Variants in PCCA observed in about 807,000 individuals in gnomAD.
PCCA encodes the protein propionyl-CoA carboxylase subunit alpha.
A neutral mutation model predicts 101.3 loss-of-function variants in PCCA; 74 were observed. That is an observed-to-expected ratio of 0.73 (90% CI 0.61 to 0.89). The LOEUF is 0.89. Ranked by LOEUF, PCCA falls within the 40% of genes least tolerant of loss-of-function variation. PCCA has a pLI of 0.00. For synonymous variants in PCCA, 294 were observed against 313.6 expected, an observed-to-expected ratio of 0.94 and a Z score of 0.66; for missense variants, 891 against 907.0, an observed-to-expected ratio of 0.98 and a Z score of 0.23.
chr13:100,123,064 C>G (rs1356457508), intron 4 of PCCA, among the ~76,000 whole-genome samples: 1 of 152,170 alleles, frequency 6.6e-6, no homozygotes, highest in African/African-American at 2.4e-5. Context: ...CTGAATAACT[C>G]CTTTTCTTTT....
chr13:100,423,301 G>T (rs904065597), intron 19 of PCCA, among the ~76,000 whole-genome samples: 3 of 152,156 alleles, frequency 2.0e-5, no homozygotes, highest in African/African-American at 7.2e-5. Flanking sequence ...GGATTCTTCG[G>T]TTCAGCCAGC....
At chr13:100,368,618 T>G (rs767591618) in intron 19 of PCCA, 44 bp downstream of exon 19, 12 of 1,201,744 alleles carry the variant, frequency 1.0e-5, no homozygotes, top group Non-Finnish European at 1.1e-5. Context: ...TGATGTTATC[T>G]ATGAATATTT....
intron 21 of PCCA, among the ~76,000 whole-genome samples, chr13:100,504,901 C>A (rs1009562232): frequency 1.3e-5 from 2 of 152,052 alleles, no homozygotes; most frequent in African/African-American, 4.8e-5. Flanking sequence ...CCACTGCACT[C>A]CAGCCTGGGT....
At chr13:100,107,087 T>C (rs2047871252) in intron 2 of PCCA, among the ~76,000 whole-genome samples, 1 of 152,214 alleles carries the variant, frequency 6.6e-6, no homozygotes, top group Non-Finnish European at 1.5e-5. Context: ...CAAGTAGACT[T>C]GGTCTTTGGT....
At chr13:100,150,552 G>A in intron 4 of PCCA, 1 of 1,287,862 alleles carries the variant, frequency 7.8e-7, no homozygotes. Flanking sequence ...CCAATAGTGT[G>A]GTGGAACTTA....
intron 21 of PCCA, among the ~76,000 whole-genome samples, chr13:100,512,155 T>C (rs1459659018): frequency 6.6e-6 from 1 of 152,212 alleles, no homozygotes; most frequent in Admixed American, 6.5e-5. Context: ...CGTGTCAGTT[T>C]TAAAAACAAT....
chr13:100,292,859 G>C (rs2065234199), intron 12 of PCCA, among the ~76,000 whole-genome samples: 1 of 151,944 alleles, frequency 6.6e-6, no homozygotes, highest in Non-Finnish European at 1.5e-5. Flanking sequence ...AGCTGATAGA[G>C]AAAAGTATTT....
chr13:100,108,897 A>G (rs764967081), intron 2 of PCCA, among the ~76,000 whole-genome samples: 1 of 152,196 alleles, frequency 6.6e-6, no homozygotes, highest in Non-Finnish European at 1.5e-5. Flanking sequence ...TCTGAATTAT[A>G]TGCATCTATG....
chr13:100,170,925 C>T (rs2055575059), intron 6 of PCCA, among the ~76,000 whole-genome samples: 2 of 152,104 alleles, frequency 1.3e-5, no homozygotes, highest in African/African-American at 4.8e-5. Flanking sequence ...GCATTGGTTC[C>T]CAGTATGTTC....
At chr13:100,266,445 T>C (rs1159780196) in intron 10 of PCCA, among the ~76,000 whole-genome samples, 1 of 152,250 alleles carries the variant, frequency 6.6e-6, no homozygotes, top group African/African-American at 2.4e-5. Flanking sequence ...ATCTCATCTA[T>C]ACTTAGAAGG....
At chr13:100,392,691 G>C (rs1470102253) in intron 19 of PCCA, among the ~76,000 whole-genome samples, 1 of 152,120 alleles carries the variant, frequency 6.6e-6, no homozygotes, top group Non-Finnish European at 1.5e-5. Context: ...AATTTCCTTG[G>C]GGCAGAGGAG....
chr13:100,439,338 T>TA (rs1448113400), intron 20 of PCCA, among the ~76,000 whole-genome samples: 2 of 152,182 alleles, frequency 1.3e-5, no homozygotes, highest in African/African-American at 4.8e-5. Context: ...TTAGAAGATT[T>TA]AAAAAATTAC....
chr13:100,154,426 G>A (rs2053667250), intron 4 of PCCA: 1 of 155,784 alleles, frequency 6.4e-6, no homozygotes, highest in Non-Finnish European at 1.4e-5. Flanking sequence ...GAATGTGAGA[G>A]TATTTAAATG....
intron 1 of PCCA, among the ~76,000 whole-genome samples, chr13:100,098,032 A>G (rs2046932989): frequency 6.6e-6 from 1 of 152,008 alleles, no homozygotes; most frequent in Non-Finnish European, 1.5e-5. Context: ...TCAAAAAAAA[A>G]AAGTACAATG....
At chr13:100,478,290 G>T (rs2083584268) in intron 21 of PCCA, among the ~76,000 whole-genome samples, 1 of 152,150 alleles carries the variant, frequency 6.6e-6, no homozygotes, top group South Asian at 2.1e-4. Context: ...GTGGTCAGTG[G>T]GTCAGACCAG....
chr13:100,257,522 G>T, intron 8 of PCCA, 73 bp from the exon 9 acceptor site: 1 of 999,596 alleles, frequency 1.0e-6, no homozygotes, highest in Non-Finnish European at 1.6e-6. Context: ...TATTGAACAT[G>T]TGGTCAATTG....
At chr13:100,481,335 A>C (rs928537478) in intron 21 of PCCA, among the ~76,000 whole-genome samples, 3 of 152,148 alleles carry the variant, frequency 2.0e-5, no homozygotes, top group African/African-American at 7.2e-5. Context: ...AGGCAGGTGG[A>C]TCACTTGAGC....
chr13:100,445,526 T>A (rs2080765172), intron 20 of PCCA, among the ~76,000 whole-genome samples: 1 of 152,200 alleles, frequency 6.6e-6, no homozygotes, highest in Middle Eastern at 3.2e-3. Flanking sequence ...AGCTTTCTCG[T>A]ACCTATTTCT....
rs1275075095 is a variant in PCCA at position 100,125,185 on chromosome 13, T to G, written c.300+13124T>G. 3.3e-5 allele frequency among the ~76,000 whole-genome samples: 5 copies of G among 150,364 alleles called. No individual in the cohort carries two copies. In the East Asian group the frequency reaches 9.7e-4, roughly 29 times the overall value. On this transcript the variant is annotated intron_variant, in intron 4 of 23. Coordinates refer to ENST00000376285, the MANE Select transcript of PCCA (RefSeq NM_000282.4). ...TGTACTTGAGAATGTTATATTTCAG[T>G]AACATTTTCTTAAACTGCCTTTTCT... is the stretch of plus-strand genomic sequence containing the variant.
Sources: gnomAD v4.1 joint callset for allele counts (sites outside exome capture counted in the v4.1 genomes callset) on GRCh38, gnomAD v4.1.1 for gene constraint, MANE v1.5 for transcripts, NCBI Gene and HGNC (gene_info 2026-07-23, HGNC 2026-07-21) for gene names.